The following PPARGC1A variants were observed in gnomAD, a reference collection of about 807,000 sequenced individuals.
PPARGC1A encodes the protein peroxisome proliferator-activated receptor gamma coactivator 1-alpha.
A neutral mutation model predicts 88.7 loss-of-function variants in PPARGC1A; 25 were observed. That is an observed-to-expected ratio of 0.28 (90% CI 0.21 to 0.39). The LOEUF (loss-of-function observed/expected upper bound fraction) is 0.39. Ranked by LOEUF, PPARGC1A falls within the 10% of genes least tolerant of loss-of-function variation. The pLI, the probability that PPARGC1A is intolerant of heterozygous loss-of-function variation, is 1.00. For synonymous variants in PPARGC1A, 363 were observed against 355.6 expected, an observed-to-expected ratio of 1.02 and a Z score of -0.24; for missense variants, 880 against 968.7, an observed-to-expected ratio of 0.91 and a Z score of 1.22.
At chr4:24,453,705 G>T in the PPARGC1A span, among the ~76,000 whole-genome samples, 17 of 152,152 alleles carry the variant, frequency 1.1e-4, no homozygotes, top group East Asian at 2.5e-3. Context: ...ACTTCTACCT[G>T]GGAGGTGAAG....
At chr4:23,844,516 T>A (rs1727724857) in intron 2 of PPARGC1A, among the ~76,000 whole-genome samples, 1 of 115,790 alleles carries the variant, frequency 8.6e-6, no homozygotes, top group Non-Finnish European at 1.6e-5. Flanking sequence ...AATAATATAA[T>A]AATCACATAA....
the PPARGC1A span, among the ~76,000 whole-genome samples, chr4:24,364,010 C>A: frequency 1.1e-4 from 17 of 152,078 alleles, no homozygotes; most frequent in Admixed American, 1.1e-3. Context: ...ACTAACATAG[C>A]GATTAAAAAC....
the PPARGC1A span, among the ~76,000 whole-genome samples, chr4:23,971,333 A>G: frequency 6.6e-6 from 1 of 152,110 alleles, no homozygotes; most frequent in African/African-American, 2.4e-5. Context: ...AGAATTTCCT[A>G]ATTTGCCATT....
chr4:23,904,521 ACT>A (rs201391587), upstream of PPARGC1A, among the ~76,000 whole-genome samples: 2,907 of 151,856 alleles, frequency 0.019, 83 homozygotes, highest in African/African-American at 0.066. Flanking sequence ...AGTGTAGAAG[ACT>A]CTGTTTTATG....
At chr4:24,234,663 T>C in the PPARGC1A span, among the ~76,000 whole-genome samples, 6 of 152,204 alleles carry the variant, frequency 3.9e-5, no homozygotes, top group Admixed American at 3.9e-4. Flanking sequence ...AGTAAGACGC[T>C]TACACACTAC....
chr4:24,423,857 C>A, the PPARGC1A span, among the ~76,000 whole-genome samples: 1 of 152,210 alleles, frequency 6.6e-6, no homozygotes, highest in East Asian at 1.9e-4. Context: ...TCAGGCCCAT[C>A]TGGATGGACT....
At chr4:24,403,232 G>T in the PPARGC1A span, among the ~76,000 whole-genome samples, 1 of 152,196 alleles carries the variant, frequency 6.6e-6, no homozygotes, top group African/African-American at 2.4e-5. Context: ...AAGATGAAAT[G>T]AGATAAGGTG....
At chr4:24,023,712 T>C in the PPARGC1A span, among the ~76,000 whole-genome samples, 1 of 152,190 alleles carries the variant, frequency 6.6e-6, no homozygotes, top group African/African-American at 2.4e-5. Context: ...GCTCCTATTC[T>C]AGCCAGAGAT....
the PPARGC1A span, among the ~76,000 whole-genome samples, chr4:24,350,235 G>T: frequency 2.0e-5 from 3 of 152,168 alleles, no homozygotes; most frequent in Admixed American, 6.5e-5. Flanking sequence ...TCGATCTAGA[G>T]CTCAGGTGAT....
the PPARGC1A span, among the ~76,000 whole-genome samples, chr4:23,915,513 C>A: frequency 6.6e-6 from 1 of 152,184 alleles, no homozygotes; most frequent in African/African-American, 2.4e-5. Flanking sequence ...TTCTTCATAG[C>A]ATTTATCAGT....
chr4:24,295,382 A>C, the PPARGC1A span, among the ~76,000 whole-genome samples: 5 of 152,198 alleles, frequency 3.3e-5, no homozygotes, highest in African/African-American at 9.6e-5. Context: ...ATATATAAAT[A>C]GGATGAGTTA....
At chr4:24,401,401 G>A in the PPARGC1A span, among the ~76,000 whole-genome samples, 16 of 152,200 alleles carry the variant, frequency 1.1e-4, no homozygotes, top group Non-Finnish European at 2.1e-4. Flanking sequence ...CAAACATTAG[G>A]TTTCAAACTT....
At chr4:24,217,847 A>T in the PPARGC1A span, among the ~76,000 whole-genome samples, 4 of 152,122 alleles carry the variant, frequency 2.6e-5, no homozygotes, top group Non-Finnish European at 5.9e-5. Flanking sequence ...AAACATGGAA[A>T]GGCAGAAATA....
chr4:23,813,672 G>C lies in PPARGC1A; in HGVS notation c.1793+18C>G. 6.6e-7 allele frequency: 1 copy of C among 1,505,086 alleles called. No individual in the cohort carries two copies. Among genetic ancestry groups the C allele is most frequent in the Non-Finnish European group, 9.0e-7 (1 of 1,111,442 alleles). The allele number at this position is 1,505,086 out of a possible 1,614,324, so 93.2% of individuals were successfully genotyped here. A position where few individuals can be genotyped will look rare whatever the true frequency, so the allele number is the denominator to read the frequency against. On this transcript the variant is annotated intron_variant, in intron 8 of 12. Coordinates refer to ENST00000264867, the MANE Select transcript of PPARGC1A (RefSeq NM_013261.5). ...TTAGGAACACCTTTTGTGTTATTAG[G>C]GTTTTGCCAAGGTTTACCTTGAAGA...
At chr4:23,932,564 GTTTAC>G in the PPARGC1A span, among the ~76,000 whole-genome samples, 1 of 151,696 alleles carries the variant, frequency 6.6e-6, no homozygotes, top group Non-Finnish European at 1.5e-5. Context: ...AAAAATTATT[GTTTAC>G]TTTAGGGAAA....
chr4:24,011,503 G>A, the PPARGC1A span, among the ~76,000 whole-genome samples: 2 of 152,146 alleles, frequency 1.3e-5, no homozygotes, highest in Admixed American at 6.6e-5. Context: ...ACATGCTAAC[G>A]TTGCTTAGTT....
the PPARGC1A span, among the ~76,000 whole-genome samples, chr4:24,351,455 G>C: frequency 6.6e-6 from 1 of 151,476 alleles, no homozygotes; most frequent in East Asian, 1.9e-4. Context: ...GGAAAAATGC[G>C]ATTACAAAAC....
the PPARGC1A span, among the ~76,000 whole-genome samples, chr4:24,022,137 T>C: frequency 2.3e-3 from 347 of 152,262 alleles, 9 homozygotes; most frequent in East Asian, 0.056. Context: ...TGGATGAGCA[T>C]GCAGGTGAAG....
chr4:24,366,003 G>A, the PPARGC1A span, among the ~76,000 whole-genome samples: 10 of 152,152 alleles, frequency 6.6e-5, no homozygotes, highest in Non-Finnish European at 1.5e-4. Context: ...AACTTGTGGA[G>A]AGGAAGTAAG....
Sources: allele counts gnomAD v4.1 joint callset (sites outside exome capture counted in the v4.1 genomes callset), GRCh38; gene constraint gnomAD v4.1.1; transcripts MANE v1.5; gene names NCBI Gene and HGNC (gene_info 2026-07-23, HGNC 2026-07-21).